NFYC: variants seen among roughly 807,000 people sequenced by gnomAD.
NFYC encodes CAAT box DNA-binding protein subunit C.
In NFYC, 25 loss-of-function variants were observed where a neutral mutation model predicts 53.1. The ratio of observed to expected loss-of-function variants is 0.47; its 90% CI spans 0.34 to 0.66. NFYC has a LOEUF of 0.66. Ranked by LOEUF, NFYC falls within the 30% of genes least tolerant of loss-of-function variation. The pLI is 0.01. For missense variants in NFYC, 260 were observed against 422.7 expected (o/e 0.62, Z 3.38); for synonymous variants, 145 against 152.6 (o/e 0.95, Z 0.37).
At chr1:40,726,266 C>T (rs1182271573) in intron 1 of NFYC, among the ~76,000 whole-genome samples, 1 of 151,932 alleles carries the variant, frequency 6.6e-6, no homozygotes, top group Non-Finnish European at 1.5e-5. Flanking sequence ...TGCAGGCCCG[C>T]ACCACCATGC....
At chr1:40,748,189 T>C (rs1295359136) in intron 3 of NFYC, among the ~76,000 whole-genome samples, 3 of 152,018 alleles carry the variant, frequency 2.0e-5, no homozygotes, top group Admixed American at 1.3e-4. Flanking sequence ...TGGAGGGCAA[T>C]GGCATAATCA....
chr1:40,750,009 A>G lies in NFYC; in HGVS notation c.291+323A>G, dbSNP rs1030111810. 2.6e-5 allele frequency among the ~76,000 whole-genome samples: 4 copies of G among 152,194 alleles called. No homozygotes were observed. In the East Asian group the frequency reaches 7.7e-4, roughly 29 times the overall value. ...ACTATAAACAGAGGCTCAAGTGATAAGAGTATTTACCTGTTTCCAAACGTA... is the reference window on the plus strand; with the variant it reads ...ACTATAAACAGAGGCTCAAGTGATAGGAGTATTTACCTGTTTCCAAACGTA... On this transcript the variant is annotated intron_variant, in intron 4 of 9. Transcript: ENST00000447388.
chr1:40,718,065 A>G (rs1005180266), intron 1 of NFYC, among the ~76,000 whole-genome samples: 7 of 152,236 alleles, frequency 4.6e-5, no homozygotes, highest in Non-Finnish European at 8.8e-5. Flanking sequence ...GTAAATTTCC[A>G]GCCATTTTAC....
intron 1 of NFYC, among the ~76,000 whole-genome samples, chr1:40,693,240 A>G (rs553982054): frequency 7.9e-5 from 12 of 152,350 alleles, no homozygotes; most frequent in South Asian, 4.1e-4. Flanking sequence ...TTCATATTCA[A>G]AAAGTTTTTA....
intron 2 of NFYC, among the ~76,000 whole-genome samples, chr1:40,745,586 CTCTG>C (rs1167323929): frequency 1.3e-5 from 2 of 152,166 alleles, no homozygotes; most frequent in Admixed American, 6.5e-5. Flanking sequence ...TTGTCTCTCT[CTCTG>C]TCTTTGTTGT....
intron 1 of NFYC, among the ~76,000 whole-genome samples, chr1:40,725,626 C>T (rs886261406): frequency 2.4e-4 from 36 of 152,204 alleles, no homozygotes; most frequent in Admixed American, 2.4e-3. Flanking sequence ...TTTCCCTCAT[C>T]CATCCATTTA....
intron 1 of NFYC, among the ~76,000 whole-genome samples, chr1:40,721,311 T>G (rs1213110409): frequency 6.6e-6 from 1 of 152,184 alleles, no homozygotes; most frequent in African/African-American, 2.4e-5. Context: ...ATTCCAACTT[T>G]CCAGAACATG....
chr1:40,761,299 A>G (rs1646533138), intron 6 of NFYC, among the ~76,000 whole-genome samples: 1 of 152,142 alleles, frequency 6.6e-6, no homozygotes, highest in Admixed American at 6.5e-5. Flanking sequence ...GGTCCTTCCC[A>G]GCATTTCCTG....
chr1:40,734,757 C>A (rs530990708), intron 1 of NFYC: 2 of 152,262 alleles, frequency 1.3e-5, no homozygotes, highest in South Asian at 2.1e-4. Context: ...AAAGTACTCA[C>A]TTTTTCCAGG....
chr1:40,698,565 C>T (rs917740097), intron 1 of NFYC, among the ~76,000 whole-genome samples: 134 of 151,380 alleles, frequency 8.9e-4, no homozygotes, highest in Non-Finnish European at 1.7e-3. Flanking sequence ...TAGCTTGGGA[C>T]TACAGGTGCG....
intron 2 of NFYC, among the ~76,000 whole-genome samples, chr1:40,744,238 C>G (rs757260748): frequency 6.6e-6 from 1 of 152,154 alleles, no homozygotes; most frequent in Admixed American, 6.5e-5. Flanking sequence ...AATCTAATGC[C>G]CACCCTGCCC....
rs372284521 is a variant in NFYC at position 40,727,532 on chromosome 1, CT to C, written c.-8-11288del. Among the ~76,000 whole-genome samples, 365 of 130,032 alleles carry C rather than the reference CT, an allele frequency of 2.8e-3. 1 individual carries two copies. The highest frequency in any genetic ancestry group is 0.015 in the East Asian group (67 of 4,382). The allele number at this position is 130,032 out of a possible 152,430, so 85.3% of individuals were successfully genotyped here. A position where few individuals can be genotyped will look rare whatever the true frequency, so the allele number is the denominator to read the frequency against. The stretch of plus-strand genomic sequence containing the variant: ...GGCACTGTGCCTGGCCATGAATATT[CT>C]TTTTTTTTTTTTTTTGAGACAAAGT... On this transcript the variant is annotated intron_variant, in intron 1 of 9. Coordinates refer to ENST00000447388, the MANE Select transcript of NFYC (RefSeq NM_014223.5).
intron 3 of NFYC, among the ~76,000 whole-genome samples, chr1:40,748,909 C>A (rs1645762944): frequency 6.6e-6 from 1 of 152,156 alleles, no homozygotes; most frequent in South Asian, 2.1e-4. Context: ...ACCAAGATCC[C>A]ATTTCCCATC....
chr1:40,737,204 A>T (rs1351867655), intron 1 of NFYC, among the ~76,000 whole-genome samples: 1 of 151,742 alleles, frequency 6.6e-6, no homozygotes, highest in South Asian at 2.1e-4. Context: ...CAGATAAGGG[A>T]TACTCAACCT....
chr1:40,749,478 T>G, intron 3 of NFYC, 95 bp from the exon 4 acceptor site: 3 of 936,234 alleles, frequency 3.2e-6, no homozygotes, highest in Non-Finnish European at 5.2e-6. Context: ...TTTTTGACCC[T>G]TGCCCCATAG....
chr1:40,704,916 G>A (rs1052761732), intron 1 of NFYC, among the ~76,000 whole-genome samples: 11 of 152,156 alleles, frequency 7.2e-5, no homozygotes, highest in African/African-American at 2.4e-4. Flanking sequence ...GAAGAGAGGT[G>A]TTTCTTCAAA....
At chr1:40,705,498 A>G (rs2148432306) in intron 1 of NFYC, among the ~76,000 whole-genome samples, 1 of 152,262 alleles carries the variant, frequency 6.6e-6, no homozygotes, top group South Asian at 2.1e-4. Context: ...AACATAACCA[A>G]ACTCTTTATT....
chr1:40,725,672 A>G (rs1644485331), intron 1 of NFYC, among the ~76,000 whole-genome samples: 2 of 152,168 alleles, frequency 1.3e-5, no homozygotes, highest in Admixed American at 6.5e-5. Flanking sequence ...TGTATCTCCC[A>G]TCATCATTTA....
chr1:40,699,608 A>T (rs1032387123), intron 1 of NFYC, among the ~76,000 whole-genome samples: 1 of 152,166 alleles, frequency 6.6e-6, no homozygotes, highest in African/African-American at 2.4e-5. Context: ...GAGGCAAAGG[A>T]TTGCTATTTA....
Sources: gnomAD v4.1 joint callset for allele counts (sites outside exome capture counted in the v4.1 genomes callset) on GRCh38, gnomAD v4.1.1 for gene constraint, MANE v1.5 for transcripts, NCBI Gene and HGNC (gene_info 2026-07-23, HGNC 2026-07-21) for gene names.